The following MMD2 variants were observed in gnomAD, a reference collection of about 807,000 sequenced individuals.
MMD2 encodes monocyte to macrophage differentiation factor 2.
In MMD2, 30 loss-of-function variants were observed where a neutral mutation model predicts 33.5. That is an observed-to-expected ratio of 0.90 (90% CI 0.67 to 1.22). The LOEUF is 1.22. MMD2 is among the 50% of genes most tolerant of loss of function. MMD2 has a pLI of 0.00. For synonymous variants in MMD2, 129 were observed against 123.0 expected, an observed-to-expected ratio of 1.05 and a Z score of -0.32; for missense variants, 364 against 325.4, an observed-to-expected ratio of 1.12 and a Z score of -0.91.
At chr7:4,894,445 G>A in the MMD2 span, among the ~76,000 whole-genome samples, 1 of 152,170 alleles carries the variant, frequency 6.6e-6, no homozygotes, top group Non-Finnish European at 1.5e-5. This position sits in a 1 kb window ranked among gnomAD's most constrained non-coding sequence, Gnocchi z 4.3. Flanking sequence ...GTAACAGAGT[G>A]GCTTTTAAGC....
intron 1 of MMD2, among the ~76,000 whole-genome samples, chr7:4,934,045 T>G (rs1040527347): frequency 4.0e-5 from 6 of 149,676 alleles, no homozygotes; most frequent in African/African-American, 1.5e-4. Context: ...TTCTCCTGCC[T>G]CAGCCTCCCA....
In MMD2 at chr7:4,959,166, C is replaced by A. The variant is rs912616422; in HGVS notation, c.-149G>T. 5.2e-5 allele frequency: 25 copies of A among 481,366 alleles called. No individual in the cohort carries two copies. Among genetic ancestry groups the A allele is most frequent in the Admixed American group, 1.6e-4 (3 of 19,306 alleles). 29.8% of individuals were successfully genotyped at this position (481,366 alleles called of 1,614,324 possible). ...GGCGCCCGGAGCCGGAGCCGGAGCCCGAGCCGGAGCTGGAGGCGCCCGGAG... is the reference window on the plus strand; with the variant it reads ...GGCGCCCGGAGCCGGAGCCGGAGCCAGAGCCGGAGCTGGAGGCGCCCGGAG... On this transcript the variant is annotated 5_prime_UTR_variant, in exon 1 of 7. Coordinates refer to ENST00000401401, the MANE Select transcript of MMD2 (RefSeq NM_198403.4).
chr7:4,899,787 A>C, the MMD2 span, among the ~76,000 whole-genome samples: 2 of 152,270 alleles, frequency 1.3e-5, no homozygotes, highest in South Asian at 4.1e-4. Context: ...GACCTCTGCC[A>C]CCTGGACCCC....
the MMD2 span, among the ~76,000 whole-genome samples, chr7:4,892,457 G>A: frequency 1.3e-5 from 2 of 151,568 alleles, no homozygotes; most frequent in African/African-American, 4.8e-5. Context: ...GCATGGTGGT[G>A]GGTGCCTGTA....
rs568676294 is a variant in MMD2 at position 4,940,547 on chromosome 7, T to A, written c.48-15015A>T. The stretch of plus-strand genomic sequence containing the variant: ...CGCAGGGCCAAGTTGGCCCCGGCCG[T>A]GCTAAGCCTCTCTCCCCCTCTCCGC... On this transcript the variant is annotated intron_variant, in intron 1 of 6. Transcript: ENST00000401401. The surrounding 1 kb of genome is among the most constrained non-coding windows in gnomAD (Gnocchi z 5.0). Among the ~76,000 whole-genome samples, 56 of 152,316 alleles carry A rather than the reference T, an allele frequency of 3.7e-4. No homozygotes were observed. Among genetic ancestry groups the A allele is most frequent in the African/African-American group, 1.3e-3 (55 of 41,580 alleles).
intron 1 of MMD2, among the ~76,000 whole-genome samples, chr7:4,943,162 A>C (rs1449324942): frequency 1.3e-5 from 2 of 151,406 alleles, no homozygotes; most frequent in Non-Finnish European, 2.9e-5. Flanking sequence ...GGCGCCTGCC[A>C]CCACGCCCCG....
intron 4 of MMD2, among the ~76,000 whole-genome samples, chr7:4,914,121 G>A (rs1018259860): frequency 2.6e-5 from 4 of 152,188 alleles, no homozygotes; most frequent in Non-Finnish European, 2.9e-5. Context: ...GAGTAGCTGG[G>A]AGCACAGGCA....
chr7:4,923,330 C>T lies in MMD2; in HGVS notation c.129+2121G>A, dbSNP rs368355366. ...TGTTGGCCAGGCTGGTCTCGAACTC[C>T]CAACCTCAAGTGATCCGCCCGCCTC... On this transcript the variant is annotated intron_variant, in intron 2 of 6. Transcript: ENST00000401401. 3.5e-3 allele frequency among the ~76,000 whole-genome samples: 529 copies of T among 152,198 alleles called. 3 individuals are homozygous for T. The highest frequency in any genetic ancestry group is 0.012 in the African/African-American group (489 of 41,538).
At chr7:4,898,720 G>A in the MMD2 span, among the ~76,000 whole-genome samples, 14 of 152,162 alleles carry the variant, frequency 9.2e-5, no homozygotes, top group East Asian at 9.7e-4. Flanking sequence ...CCAACATGGC[G>A]AAACCCTGTC....
chr7:4,903,324 C>T (rs1784819295), downstream of MMD2, among the ~76,000 whole-genome samples: 1 of 152,070 alleles, frequency 6.6e-6, no homozygotes, highest in Admixed American at 6.5e-5. Context: ...TGCTGTCAAC[C>T]CCCTGTGCAA....
rs374666226 is a variant in MMD2 at position 4,907,170 on chromosome 7, A to G, written c.*226T>C. ...GTATTAGGAAACACTCATCTAAAAT[A>G]GAAACACATTACAGGGTTAATTTCT... is the stretch of plus-strand genomic sequence containing the variant. On this transcript the variant is annotated 3_prime_UTR_variant, in exon 7 of 7. Coordinates refer to ENST00000401401, the MANE Select transcript of MMD2 (RefSeq NM_198403.4). 5.5e-6 allele frequency: 3 copies of G among 545,908 alleles called. No homozygotes were observed. In the African/African-American group the frequency reaches 5.7e-5, roughly 10 times the overall value. 33.8% of individuals were successfully genotyped at this position (545,908 alleles called of 1,614,324 possible).
chr7:4,957,503 G>C (rs1245938876), intron 1 of MMD2, among the ~76,000 whole-genome samples: 4 of 151,736 alleles, frequency 2.6e-5, no homozygotes, highest in Non-Finnish European at 5.9e-5. Context: ...CAAAAAATTA[G>C]CCGGGCATGG....
At chr7:4,945,250 T>C (rs1244032968) in intron 1 of MMD2, among the ~76,000 whole-genome samples, 135 of 147,730 alleles carry the variant, frequency 9.1e-4, no homozygotes, top group African/African-American at 2.2e-3. Flanking sequence ...CTCTCTCTCT[T>C]TCTTTCCCTC....
At chr7:4,901,834 C>G (rs752149310), downstream of MMD2, among the ~76,000 whole-genome samples, 1 of 152,270 alleles carries the variant, frequency 6.6e-6, no homozygotes, top group African/African-American at 2.4e-5. Flanking sequence ...CGACCAATTA[C>G]ATACATTGCT....
intron 4 of MMD2, among the ~76,000 whole-genome samples, chr7:4,914,506 G>A (rs192306069): frequency 3.3e-5 from 5 of 152,118 alleles, no homozygotes; most frequent in East Asian, 1.9e-4. Context: ...TTTGGTTTTC[G>A]GTTTGTTTGT....
the MMD2 span, among the ~76,000 whole-genome samples, chr7:4,899,708 T>G: frequency 6.6e-6 from 1 of 152,190 alleles, no homozygotes; most frequent in South Asian, 2.1e-4. Flanking sequence ...GAAAATGTAT[T>G]TCTTAGTATG....
Position 4,946,164 on chromosome 7 carries a change from CCT to C in MMD2, c.47+12805_47+12806del, listed in dbSNP as rs1433835187. 1.3e-5 allele frequency among the ~76,000 whole-genome samples: 2 copies of C among 151,140 alleles called. No homozygotes were observed. Among genetic ancestry groups the C allele is most frequent in the African/African-American group, 4.9e-5 (2 of 41,062 alleles). On this transcript the variant is annotated intron_variant, in intron 1 of 6. Coordinates refer to ENST00000401401, the MANE Select transcript of MMD2 (RefSeq NM_198403.4). The surrounding 1 kb of genome is among the most constrained non-coding windows in gnomAD (Gnocchi z 5.0). ...ACGCACACCCACACCCGCGCGCACA[CCT>C]GCACACATGCACACACACGCGCGCA...
chr7:4,896,082 C>T, the MMD2 span, among the ~76,000 whole-genome samples: 11 of 152,082 alleles, frequency 7.2e-5, no homozygotes, highest in African/African-American at 1.4e-4. Flanking sequence ...ATGTTTTTGG[C>T]GGCAGTTGTC....
intron 1 of MMD2, among the ~76,000 whole-genome samples, chr7:4,932,221 T>C (rs1469721138): frequency 2.0e-5 from 3 of 152,042 alleles, no homozygotes; most frequent in African/African-American, 7.2e-5. Context: ...ACTGTGGCCA[T>C]TGAATGCTGG....
Sources: gnomAD v4.1 joint callset for allele counts (sites outside exome capture counted in the v4.1 genomes callset) on GRCh38, gnomAD v4.1.1 for gene constraint, Gnocchi (gnomAD v3.1) non-coding constraint, MANE v1.5 for transcripts, NCBI Gene and HGNC (gene_info 2026-07-23, HGNC 2026-07-21) for gene names.